The following COMMD1 variants were observed in gnomAD, a reference collection of about 807,000 sequenced individuals.
COMMD1 encodes the protein COMM domain-containing protein 1.
A neutral mutation model predicts 17.2 loss-of-function variants in COMMD1; 10 were observed. The observed-to-expected ratio is 0.58, with a 90% CI of 0.36 to 0.99. The LOEUF (loss-of-function observed/expected upper bound fraction) is 0.99, where lower values mean the gene tolerates loss of function less well. Among genes scored for constraint, COMMD1 ranks in the 50% least tolerant of loss-of-function variants. The pLI, the probability that COMMD1 is intolerant of heterozygous loss-of-function variation, is 0.01. For synonymous variants in COMMD1, 97 were observed against 91.6 expected (o/e 1.06, Z -0.34); for missense variants, 270 against 231.8 (o/e 1.17, Z -1.07).
intron 1 of COMMD1, among the ~76,000 whole-genome samples, chr2:61,951,497 A>G: frequency 6.6e-6 from 1 of 152,178 alleles, no homozygotes; most frequent in South Asian, 2.1e-4. Flanking sequence ...TCTTCAGTTC[A>G]AATTACTTTT....
chr2:62,105,379 AAAT>A (rs1010389805), intron 2 of COMMD1, among the ~76,000 whole-genome samples: 1 of 152,166 alleles, frequency 6.6e-6, no homozygotes, highest in African/African-American at 2.4e-5. Flanking sequence ...TATTAGAAGT[AAAT>A]AGCATTTATT....
At chr2:62,077,527 A>G (rs991613169) in intron 2 of COMMD1, among the ~76,000 whole-genome samples, 2 of 152,144 alleles carry the variant, frequency 1.3e-5, no homozygotes, top group Non-Finnish European at 2.9e-5. Context: ...ATAGCCTCCC[A>G]CACATCCCTA....
At chr2:61,888,843 G>T (rs1249573050) in intron 1 of COMMD1, 1 of 355,390 alleles carries the variant, frequency 2.8e-6, no homozygotes, top group African/African-American at 2.2e-5. Context: ...AAGGCGAGTG[G>T]TGAGGACATC....
chr2:62,034,455 C>T (rs1326660082), intron 2 of COMMD1, among the ~76,000 whole-genome samples: 1 of 152,188 alleles, frequency 6.6e-6, no homozygotes, highest in East Asian at 1.9e-4. Flanking sequence ...GATCGTGCCA[C>T]TGCCCTCCAG....
intron 1 of COMMD1, among the ~76,000 whole-genome samples, chr2:61,913,849 T>G (rs1222106195): frequency 6.9e-6 from 1 of 145,626 alleles, no homozygotes; most frequent in African/African-American, 2.5e-5. Context: ...TCCAAACATC[T>G]GTTCTCAAAC....
At chr2:61,995,138 G>T (rs762708756) in intron 1 of COMMD1, among the ~76,000 whole-genome samples, 1 of 152,050 alleles carries the variant, frequency 6.6e-6, no homozygotes, top group Non-Finnish European at 1.5e-5. Flanking sequence ...GAGAGACAGG[G>T]TTTTGCTGTG....
intron 1 of COMMD1, among the ~76,000 whole-genome samples, chr2:61,920,715 A>G (rs1011741555): frequency 9.2e-5 from 14 of 152,072 alleles, no homozygotes; most frequent in African/African-American, 3.1e-4. Context: ...TTCTAGTACT[A>G]AAGGGTGTAA....
At chr2:62,052,748 G>A (rs967650482) in intron 2 of COMMD1, among the ~76,000 whole-genome samples, 2 of 152,140 alleles carry the variant, frequency 1.3e-5, no homozygotes, top group African/African-American at 2.4e-5. Flanking sequence ...AGTCTTCAGA[G>A]TCCTAAGTAT....
intron 1 of COMMD1, among the ~76,000 whole-genome samples, chr2:61,925,176 TA>T (rs1372479859): frequency 1.3e-5 from 2 of 148,876 alleles, no homozygotes; most frequent in South Asian, 4.2e-4. Flanking sequence ...AGAGGGGTGT[TA>T]GGGGAGGGAG....
At chr2:61,894,504 A>C (rs1295909898) in intron 1 of COMMD1, among the ~76,000 whole-genome samples, 1 of 152,076 alleles carries the variant, frequency 6.6e-6, no homozygotes, top group East Asian at 1.9e-4. Flanking sequence ...GTATGGGTTT[A>C]CAAGAAATAC....
At chr2:61,927,201 G>A (rs1017916013) in intron 1 of COMMD1, among the ~76,000 whole-genome samples, 6 of 152,174 alleles carry the variant, frequency 3.9e-5, no homozygotes, top group Admixed American at 2.0e-4. Flanking sequence ...TTAACATCAG[G>A]TTACTTCAGG....
At chr2:61,901,067 C>T (rs562015111), upstream of COMMD1, among the ~76,000 whole-genome samples, 1 of 152,000 alleles carries the variant, frequency 6.6e-6, no homozygotes, top group African/African-American at 2.4e-5. Flanking sequence ...TTGTCTCAGT[C>T]TCCTGAGTAG....
chr2:61,921,464 G>C (rs995173553), intron 1 of COMMD1, among the ~76,000 whole-genome samples: 1 of 151,750 alleles, frequency 6.6e-6, no homozygotes. Context: ...GTTTTTTTGA[G>C]ACAGAGTCTT....
chr2:61,941,997 C>G (rs1670761263), intron 1 of COMMD1, among the ~76,000 whole-genome samples: 1 of 152,074 alleles, frequency 6.6e-6, no homozygotes, highest in African/African-American at 2.4e-5. Flanking sequence ...TTCTTTTTAT[C>G]CATTTAGTTT....
chr2:62,134,982 G>A (rs1302834280), intron 2 of COMMD1, among the ~76,000 whole-genome samples: 1 of 152,126 alleles, frequency 6.6e-6, no homozygotes, highest in Non-Finnish European at 1.5e-5. Context: ...ACAATTTCTG[G>A]CATAACCACT....
chr2:62,115,832 T>TTTC (rs1553393454), intron 2 of COMMD1, among the ~76,000 whole-genome samples: 6 of 135,176 alleles, frequency 4.4e-5, no homozygotes, highest in Non-Finnish European at 9.2e-5. Flanking sequence ...TGGGTTTTTT[T>TTTC]TTTCTTTCTT....
chr2:61,894,763 G>T (rs747402818), intron 1 of COMMD1, among the ~76,000 whole-genome samples: 93 of 151,428 alleles, frequency 6.1e-4, no homozygotes, highest in Non-Finnish European at 8.5e-4. Flanking sequence ...GCAATGGTGC[G>T]ATCTTGACTC....
chr2:62,040,480 T>G (rs142004318), intron 2 of COMMD1, among the ~76,000 whole-genome samples: 1 of 152,306 alleles, frequency 6.6e-6, no homozygotes, highest in Non-Finnish European at 1.5e-5. Flanking sequence ...GAAAACAATT[T>G]ATGTGAAGTG....
At position 62,000,871 on chromosome 2, in the gene COMMD1, C is replaced by A. The variant is rs150966526; in HGVS notation, c.351C>A (p.Ser117Arg). 2 of 1,614,160 alleles carry A rather than the reference C, an allele frequency of 1.2e-6. No homozygotes were observed. The highest frequency in any genetic ancestry group is 1.7e-6 in the Non-Finnish European group (2 of 1,180,020). The change falls in exon 2 of 3, where the codon AGC (serine) becomes AGA (arginine). Residue 117 changes from serine to arginine, a missense_variant. Physicochemically the swap from Ser to Arg is moderately radical, Grantham distance 110. Coordinates refer to ENST00000311832, the MANE Select transcript of COMMD1 (RefSeq NM_152516.4). ...ESLMNQSRWN[S>R]GLRGLSWRVD... ...TCATGAACCAGAGCCGCTGGAATAGCGGGCTTCGGGGCCTGAGCTGGAGAG... is the reference window on the plus strand; with the variant it reads ...TCATGAACCAGAGCCGCTGGAATAGAGGGCTTCGGGGCCTGAGCTGGAGAG...
Sources: gnomAD v4.1 joint callset for allele counts (sites outside exome capture counted in the v4.1 genomes callset) on GRCh38, gnomAD v4.1.1 for gene constraint, MANE v1.5 for transcripts, NCBI Gene and HGNC (gene_info 2026-07-23, HGNC 2026-07-21) for gene names.